DCLK1: variants seen among roughly 807,000 people sequenced by gnomAD.
DCLK1 encodes the protein serine/threonine-protein kinase DCLK1.
In DCLK1, 16 loss-of-function variants were observed where a neutral mutation model predicts 86.2. The ratio of observed to expected loss-of-function variants is 0.19; its 90% CI spans 0.13 to 0.28. The LOEUF is 0.28. DCLK1 is among the 10% of genes least tolerant of loss of function. DCLK1 has a pLI of 1.00. For missense variants in DCLK1, 590 were observed against 940.2 expected, an observed-to-expected ratio of 0.63 and a Z score of 4.87; for synonymous variants, 369 against 370.5, an observed-to-expected ratio of 1.00 and a Z score of 0.05.
At chr13:35,956,251 C>T (rs1390741733) in intron 3 of DCLK1, among the ~76,000 whole-genome samples, 1 of 152,100 alleles carries the variant, frequency 6.6e-6, no homozygotes, top group Non-Finnish European at 1.5e-5. Context: ...GGTGACCAAG[C>T]CCAGGAAATT....
chr13:35,830,837 G>T (rs1868900088), intron 8 of DCLK1, among the ~76,000 whole-genome samples: 1 of 152,230 alleles, frequency 6.6e-6, no homozygotes, highest in Non-Finnish European at 1.5e-5. Context: ...ACAGGACCGT[G>T]CTGGTCAGAA....
At chr13:36,098,762 G>A (rs1460661473) in intron 3 of DCLK1, among the ~76,000 whole-genome samples, 2 of 152,024 alleles carry the variant, frequency 1.3e-5, no homozygotes, top group Non-Finnish European at 2.9e-5. Context: ...TTAACTGATG[G>A]TAGAAAATGA....
At chr13:35,886,258 G>A (rs1024388309) in intron 4 of DCLK1, among the ~76,000 whole-genome samples, 2 of 151,994 alleles carry the variant, frequency 1.3e-5, no homozygotes, top group Admixed American at 6.6e-5. Context: ...TGATCTGCCC[G>A]CCTCAGCCTC....
At chr13:35,782,140 C>T (rs2086537593) in intron 16 of DCLK1, among the ~76,000 whole-genome samples, 1 of 152,134 alleles carries the variant, frequency 6.6e-6, no homozygotes, top group Non-Finnish European at 1.5e-5. Context: ...CCCCATTTTC[C>T]TGGGAGAGCT....
intron 4 of DCLK1, among the ~76,000 whole-genome samples, chr13:35,893,372 A>G (rs1170769075): frequency 6.6e-6 from 1 of 152,224 alleles, no homozygotes; most frequent in Non-Finnish European, 1.5e-5. Flanking sequence ...CTATCCTTAA[A>G]GAACAAAGGC....
Position 35,834,988 on chromosome 13 carries a change from T to G in DCLK1, c.1229+1045A>C, listed in dbSNP as rs1027068166. 1.1e-4 allele frequency among the ~76,000 whole-genome samples: 16 copies of G among 152,144 alleles called. 1 individual carries two copies. The highest frequency in any genetic ancestry group is 1.0e-3 in the Admixed American group (16 of 15,282). ...AGCACATAAGTGACTATTGGCCAAA[T>G]GAAGAACCCTCATGAGATGTGGGGC... On this transcript the variant is annotated intron_variant, in intron 8 of 16. Coordinates refer to ENST00000360631, the MANE Select transcript of DCLK1 (RefSeq NM_001330071.2).
At chr13:35,869,384 C>CA (rs1872103792) in intron 5 of DCLK1, among the ~76,000 whole-genome samples, 1 of 152,150 alleles carries the variant, frequency 6.6e-6, no homozygotes, top group Admixed American at 6.5e-5. Context: ...CAGGTCATTG[C>CA]AAGGAGGGAG....
chr13:35,891,475 G>T (rs1566588749), intron 4 of DCLK1, among the ~76,000 whole-genome samples: 4 of 152,176 alleles, frequency 2.6e-5, no homozygotes, highest in Non-Finnish European at 1.5e-5. Flanking sequence ...GGATAAAAAT[G>T]AATTATAGGA....
At chr13:35,812,450 A>C (rs1244474575) in intron 11 of DCLK1, among the ~76,000 whole-genome samples, 1 of 152,200 alleles carries the variant, frequency 6.6e-6, no homozygotes, top group African/African-American at 2.4e-5. Context: ...AGTAGTTTGA[A>C]TCTTTTGCAC....
chr13:35,911,127 CA>C (rs60440999), intron 4 of DCLK1, among the ~76,000 whole-genome samples: 7,677 of 122,144 alleles, frequency 0.063, 262 homozygotes, highest in South Asian at 0.16. Context: ...ACTAAAAATA[CA>C]AAAAAAAAAA....
intron 4 of DCLK1, among the ~76,000 whole-genome samples, chr13:35,942,044 T>C (rs1300730970): frequency 6.6e-6 from 1 of 152,194 alleles, no homozygotes; most frequent in Non-Finnish European, 1.5e-5. Context: ...TGAATTAAAG[T>C]TTATCTTGTT....
chr13:36,118,704 A>C (rs1193288235), intron 2 of DCLK1, among the ~76,000 whole-genome samples: 1 of 152,168 alleles, frequency 6.6e-6, no homozygotes, highest in Non-Finnish European at 1.5e-5. Flanking sequence ...AGAGACGTTA[A>C]GGGTGATGTT....
intron 3 of DCLK1, among the ~76,000 whole-genome samples, chr13:35,958,161 A>ACCAC (rs1878188076): frequency 1.4e-5 from 1 of 73,278 alleles, no homozygotes; most frequent in African/African-American, 6.6e-5. Flanking sequence ...CACTATAACC[A>ACCAC]TCACCACCAT....
chr13:36,026,892 A>G (rs1882055870), intron 3 of DCLK1, among the ~76,000 whole-genome samples: 1 of 152,174 alleles, frequency 6.6e-6, no homozygotes, highest in South Asian at 2.1e-4. Context: ...ATATATCAGC[A>G]TCCCTCATTA....
In DCLK1 at chr13:36,126,214, TA is replaced by T. The variant is rs537892866; in HGVS notation, c.-19-59del. 4,057 of 681,346 alleles carry T rather than the reference TA, an allele frequency of 6.0e-3. 47 individuals carry two copies. The highest frequency in any genetic ancestry group is 0.039 in the African/African-American group (1,598 of 41,132). 42.2% of individuals were successfully genotyped at this position (681,346 alleles called of 1,614,324 possible). The stretch of plus-strand genomic sequence containing the variant: ...TATTGATGTAGGTTATATATATATA[TA>T]TATTTTTTTGTTTTTGTTTTTTTTA... On this transcript the variant is annotated intron_variant, in intron 1 of 16. Transcript: ENST00000360631.
chr13:36,036,713 T>C (rs919214104), intron 3 of DCLK1, among the ~76,000 whole-genome samples: 1 of 152,126 alleles, frequency 6.6e-6, no homozygotes, highest in Non-Finnish European at 1.5e-5. Context: ...ATGTTAAACA[T>C]TTATATACTA....
chr13:35,987,560 G>A (rs903480689), intron 3 of DCLK1, among the ~76,000 whole-genome samples: 2 of 152,060 alleles, frequency 1.3e-5, no homozygotes, highest in Non-Finnish European at 2.9e-5. Flanking sequence ...CTTATTGCAT[G>A]CCTGTATCAA....
intron 3 of DCLK1, among the ~76,000 whole-genome samples, chr13:35,975,964 C>T (rs750821005): frequency 6.6e-5 from 10 of 152,180 alleles, no homozygotes; most frequent in Non-Finnish European, 1.2e-4. Flanking sequence ...CCACATCCTC[C>T]GACCTATTTC....
chr13:35,983,709 A>G (rs1222453270), intron 3 of DCLK1, among the ~76,000 whole-genome samples: 1 of 152,244 alleles, frequency 6.6e-6, no homozygotes, highest in Non-Finnish European at 1.5e-5. Context: ...GTATCAAAAC[A>G]TCTTATGTAC....
Sources: gnomAD v4.1 joint callset for allele counts (sites outside exome capture counted in the v4.1 genomes callset) on GRCh38, gnomAD v4.1.1 for gene constraint, MANE v1.5 for transcripts, NCBI Gene and HGNC (gene_info 2026-07-23, HGNC 2026-07-21) for gene names.